VASH2: variants seen among roughly 807,000 people sequenced by gnomAD.
VASH2 encodes the protein vasohibin 2.
Under a neutral mutation model 37.2 loss-of-function variants are expected in VASH2, and 28 were observed. The observed-to-expected ratio is 0.75, with a 90% CI of 0.56 to 1.03. The LOEUF (loss-of-function observed/expected upper bound fraction) is 1.03. Ranked by LOEUF, VASH2 falls within the 50% of genes least tolerant of loss-of-function variation. The probability of loss-of-function intolerance (pLI) is 0.00; values close to 1 mark genes in which losing one functional copy is unlikely to be tolerated. For synonymous variants in VASH2, 188 were observed against 174.7 expected (o/e 1.08, Z -0.60); for missense variants, 419 against 459.1 (o/e 0.91, Z 0.80).
rs1485083591 is a variant in VASH2 at position 212,961,439 on chromosome 1, C to A, written c.365+185C>A. 4 of 1,319,580 alleles carry A rather than the reference C, an allele frequency of 3.0e-6. No individual in the cohort carries two copies. The African/African-American group carries it at 5.9e-5, about 20-fold the overall frequency. 81.7% of individuals were successfully genotyped at this position (1,319,580 alleles called of 1,614,324 possible). A position where few individuals can be genotyped will look rare whatever the true frequency, so the allele number is the denominator to read the frequency against. ...TGCGTGGAGGTTGTCATTGCAGTGA[C>A]CCAGTAGGGCAGGCTGGTTCCCCTT... On this transcript the variant is annotated intron_variant, in intron 3 of 7. Transcript: ENST00000517399.
intron 3 of VASH2, among the ~76,000 whole-genome samples, chr1:212,961,695 T>C (rs1666684217): frequency 2.0e-5 from 3 of 152,198 alleles, no homozygotes; most frequent in Admixed American, 1.3e-4. Context: ...CTCCACCTCC[T>C]GGGTGCAAGT....
At chr1:212,955,142 C>T (rs1011453090) in intron 2 of VASH2, among the ~76,000 whole-genome samples, 25 of 152,142 alleles carry the variant, frequency 1.6e-4, no homozygotes, top group Non-Finnish European at 2.5e-4. Context: ...GGTAGGGTGG[C>T]GGCGGTGGTA....
chr1:212,957,297 C>T (rs1666527923), intron 2 of VASH2, among the ~76,000 whole-genome samples: 1 of 152,218 alleles, frequency 6.6e-6, no homozygotes, highest in Non-Finnish European at 1.5e-5. Context: ...TGTCAATGGA[C>T]ACTTGGGTTG....
At chr1:212,956,086 A>G (rs938806902) in intron 2 of VASH2, among the ~76,000 whole-genome samples, 1 of 152,186 alleles carries the variant, frequency 6.6e-6, no homozygotes, top group African/African-American at 2.4e-5. Flanking sequence ...AAAGATTCCT[A>G]GTGCCTGGGG....
At chr1:212,978,841 C>A (rs1284665008) in intron 7 of VASH2, among the ~76,000 whole-genome samples, 2 of 152,102 alleles carry the variant, frequency 1.3e-5, no homozygotes. Flanking sequence ...TGGCGGAAAC[C>A]CTTGCCACTT....
rs1666325588 is a variant in VASH2 at position 212,951,940 on chromosome 1, T to A, written c.276+122T>A. ...TTTCCTAGTCCTGCTACAAACTCCCTTCCTCTCCCCATTCCTTCCTGCCAG... is the reference window on the plus strand; with the variant it reads ...TTTCCTAGTCCTGCTACAAACTCCCATCCTCTCCCCATTCCTTCCTGCCAG... On this transcript the variant is annotated intron_variant, in intron 2 of 7. Coordinates refer to ENST00000517399, the MANE Select transcript of VASH2 (RefSeq NM_001301056.2). The surrounding 1 kb of genome is among the most constrained non-coding windows in gnomAD (Gnocchi z 4.4). The A allele has an allele frequency of 8.5e-7, 1 of 1,180,540 alleles. No individual in the cohort carries two copies. The highest frequency in any genetic ancestry group is 1.2e-6 in the Non-Finnish European group (1 of 857,634). 73.1% of individuals were successfully genotyped at this position (1,180,540 alleles called of 1,614,324 possible). A position where few individuals can be genotyped will look rare whatever the true frequency, so the allele number is the denominator to read the frequency against.
intron 4 of VASH2, chr1:212,966,012 T>G: frequency 1.7e-6 from 1 of 602,156 alleles, no homozygotes; most frequent in Non-Finnish European, 2.9e-6. Context: ...TTGTAAACTC[T>G]GCCTCTCGAG....
chr1:212,966,496 C>T (rs1572066619), intron 5 of VASH2, among the ~76,000 whole-genome samples, 151 bp downstream of exon 5: 1 of 152,334 alleles, frequency 6.6e-6, no homozygotes, highest in East Asian at 1.9e-4. Context: ...ATCTCTTTAA[C>T]TTTCACCATG....
chr1:212,980,207 C>T (rs1197893019), intron 7 of VASH2, among the ~76,000 whole-genome samples: 2 of 152,226 alleles, frequency 1.3e-5, no homozygotes, highest in Non-Finnish European at 1.5e-5. Context: ...TCTGACAGTT[C>T]ATGACTCTTG....
chr1:212,987,809 A>G (rs952170886), intron 7 of VASH2, among the ~76,000 whole-genome samples: 1 of 152,248 alleles, frequency 6.6e-6, no homozygotes, highest in Non-Finnish European at 1.5e-5. Flanking sequence ...GTATATTGGA[A>G]GTCATTTAGG....
chr1:212,976,789 C>T (rs918692485), intron 7 of VASH2, among the ~76,000 whole-genome samples: 2 of 152,184 alleles, frequency 1.3e-5, no homozygotes, highest in Non-Finnish European at 2.9e-5. Flanking sequence ...CCATCTGGCA[C>T]ACCAGAGTGG....
In VASH2 at chr1:212,972,763, C is replaced by A. The variant is rs1667047061; in HGVS notation, c.681C>A (p.Asp227Glu). ...DKPLTFRTLS[D>E]LIFDFEDSYK... Reference sequence around the variant, plus strand: ...CATTGACTTTTCGGACTCTGAGTGACCTCATCTTTGACTTTGAGGACTCTT... The same window carrying A: ...CATTGACTTTTCGGACTCTGAGTGAACTCATCTTTGACTTTGAGGACTCTT... The change falls in exon 6 of 8, where the codon GAC becomes GAA. Residue 227 changes from aspartate to glutamate, a missense_variant. Transcript: ENST00000517399. 3.1e-6 allele frequency: 5 copies of A among 1,614,178 alleles called. No homozygotes were observed. In the South Asian group the frequency reaches 4.4e-5, roughly 14 times the overall value.
intron 2 of VASH2, among the ~76,000 whole-genome samples, chr1:212,953,748 T>C (rs1381807113): frequency 1.3e-5 from 2 of 152,160 alleles, no homozygotes; most frequent in Non-Finnish European, 2.9e-5. Context: ...AATCTCATGA[T>C]GTTATGACCC....
intron 2 of VASH2, among the ~76,000 whole-genome samples, chr1:212,957,620 T>G (rs898571296): frequency 6.7e-6 from 1 of 149,102 alleles, no homozygotes; most frequent in Non-Finnish European, 1.5e-5. Flanking sequence ...GCTTACACTT[T>G]TTTTTTTTTT....
In VASH2 at chr1:212,961,231, C is replaced by G; in HGVS notation, c.342C>G (p.Ile114Met). The G allele has an allele frequency of 2.5e-6, 4 of 1,614,202 alleles. No homozygotes were observed. The highest frequency in any genetic ancestry group is 3.4e-6 in the Non-Finnish European group (4 of 1,180,032). ...SMTIPDWLQA[I>M]QNYMKTLQYN... ...CGATCCCAGACTGGCTCCAGGCGAT[C>G]CAGAATTACATGAAGACCCTACAGT... The change falls in exon 3 of 8, where the codon ATC (isoleucine) becomes ATG (methionine). Residue 114 changes from isoleucine (I) to methionine (M), a missense_variant. Around this residue, in one of 3 missense-constraint regions of VASH2, gnomAD observed 158 missense variants for 163.0 expected, o/e 0.97. Coordinates refer to ENST00000517399, the MANE Select transcript of VASH2 (RefSeq NM_001301056.2).
At chr1:212,978,143 G>A (rs776527779) in intron 7 of VASH2, among the ~76,000 whole-genome samples, 1 of 152,158 alleles carries the variant, frequency 6.6e-6, no homozygotes, top group Non-Finnish European at 1.5e-5. Context: ...AGTCATTCTG[G>A]GAGGGGCCCA....
chr1:212,977,169 A>T (rs1405325070), intron 7 of VASH2, among the ~76,000 whole-genome samples: 1 of 113,180 alleles, frequency 8.8e-6, no homozygotes, highest in African/African-American at 3.9e-5. Flanking sequence ...GTGAGAGCTG[A>T]TGGAGCTGAT....
At chr1:212,961,601 C>T (rs1666678874) in intron 3 of VASH2, among the ~76,000 whole-genome samples, 1 of 152,184 alleles carries the variant, frequency 6.6e-6, no homozygotes, top group South Asian at 2.1e-4. Flanking sequence ...CTCCTGTTCT[C>T]CTTCACTGTC....
intron 3 of VASH2, among the ~76,000 whole-genome samples, chr1:212,965,511 A>G (rs1325905961): frequency 6.6e-6 from 1 of 152,230 alleles, no homozygotes. Context: ...ATAAAGGTCC[A>G]TGGTACTTTG....
Sources: gnomAD v4.1 joint callset for allele counts (sites outside exome capture counted in the v4.1 genomes callset) on GRCh38, gnomAD v4.1.1 for gene constraint, gnomAD v4.1.1 regional missense constraint, Gnocchi (gnomAD v3.1) non-coding constraint, MANE v1.5 for transcripts, NCBI Gene and HGNC (gene_info 2026-07-23, HGNC 2026-07-21) for gene names.